Variants in CEP83 observed in about 807,000 individuals in gnomAD.
The protein encoded by CEP83 is centrosomal protein 83.
CEP83 carries 70 observed loss-of-function variants against 101.9 expected under a neutral mutation model. That is an observed-to-expected ratio of 0.69 (90% CI 0.57 to 0.84). The LOEUF (loss-of-function observed/expected upper bound fraction) is 0.84, where lower values mean the gene tolerates loss of function less well. Among genes scored for constraint, CEP83 ranks in the 40% least tolerant of loss-of-function variants. The pLI is 0.00. For missense variants in CEP83, 715 were observed against 787.2 expected (o/e 0.91, Z 1.10); for synonymous variants, 264 against 267.9 (o/e 0.99, Z 0.14).
chr12:94,290,354 G>A, the CEP83 span, among the ~76,000 whole-genome samples: 1 of 152,206 alleles, frequency 6.6e-6, no homozygotes, highest in Non-Finnish European at 1.5e-5. Flanking sequence ...AAATATGGAG[G>A]AGAATTGAAA....
chr12:94,385,201 C>T (rs948054153), intron 6 of CEP83, among the ~76,000 whole-genome samples: 1 of 152,110 alleles, frequency 6.6e-6, no homozygotes, highest in African/African-American at 2.4e-5. Flanking sequence ...CCCATTAGGC[C>T]TCAACTGACA....
At chr12:94,397,390 C>T (rs550966781) in intron 6 of CEP83, among the ~76,000 whole-genome samples, 58 of 152,162 alleles carry the variant, frequency 3.8e-4, no homozygotes, top group South Asian at 3.7e-3. Flanking sequence ...CCCAGCTACT[C>T]GGGAAACTGA....
intron 1 of CEP83, among the ~76,000 whole-genome samples, chr12:94,455,965 G>A (rs141479156): frequency 9.2e-5 from 14 of 151,622 alleles, no homozygotes; most frequent in Admixed American, 2.6e-4. Flanking sequence ...GGAGAATCAC[G>A]TGAACCCACG....
At chr12:94,406,577 A>T (rs2063547993) in intron 4 of CEP83, among the ~76,000 whole-genome samples, 1 of 152,158 alleles carries the variant, frequency 6.6e-6, no homozygotes, top group Admixed American at 6.5e-5. Context: ...TTGTAACTGA[A>T]TTCCATATGT....
chr12:94,369,995 G>A lies in CEP83; in HGVS notation c.975C>T (p.Asp325=), dbSNP rs1453582563. The part of the protein sequence containing the change: ...LKHSNKLEIT[D]IKLETARAKS... The stretch of plus-strand genomic sequence containing the variant: ...TAGCTCTTGCTGTCTCCAGTTTGAT[G>A]TCTGTTATTTCCAGTTTGTTTGAAT... Residue 325 remains aspartate, a synonymous_variant, in exon 9 of 17, where the codon GAC becomes GAT. Coordinates refer to ENST00000397809, the MANE Select transcript of CEP83 (RefSeq NM_016122.3). The A allele has an allele frequency of 6.2e-7, 1 of 1,610,076 alleles. No individual in the cohort carries two copies. Among genetic ancestry groups the A allele is most frequent in the Non-Finnish European group, 8.5e-7 (1 of 1,176,900 alleles).
chr12:94,312,971 A>G lies in CEP83; in HGVS notation c.1754T>C (p.Val585Ala). Residue 585 changes from valine (V) to alanine (A), a missense_variant, in exon 15 of 17, where the codon GTA (valine) becomes GCA (alanine). Val to Ala is a moderately conservative substitution (Grantham distance 64). Transcript: ENST00000397809. ...TTCTTTCTTTGCCTCCAAGACTTCTACTTTCTCTTGTAGTCTTTTCAATTT... is the reference window on the plus strand; with the variant it reads ...TTCTTTCTTTGCCTCCAAGACTTCTGCTTTCTCTTGTAGTCTTTTCAATTT... ...ENKLKRLQEK[V>A]EVLEAKKEEL... 3 of 1,591,910 alleles carry G rather than the reference A, an allele frequency of 1.9e-6. No homozygotes were observed. The highest frequency in any genetic ancestry group is 2.2e-5 in the East Asian group (1 of 44,450).
At chr12:94,391,591 G>A (rs531464498) in intron 6 of CEP83, among the ~76,000 whole-genome samples, 17 of 152,116 alleles carry the variant, frequency 1.1e-4, no homozygotes, top group South Asian at 2.1e-4. Context: ...AATAACCAGC[G>A]AACATCGTAA....
At chr12:94,412,213 T>C (rs2063929046) in intron 3 of CEP83, 105 bp downstream of exon 3, 4 of 937,834 alleles carry the variant, frequency 4.3e-6, no homozygotes, top group Non-Finnish European at 6.2e-6. Flanking sequence ...AATGTATACA[T>C]TGCAAAATAA....
chr12:94,302,477 C>T (rs1968562365), downstream of CEP83, among the ~76,000 whole-genome samples: 1 of 152,188 alleles, frequency 6.6e-6, no homozygotes, highest in Non-Finnish European at 1.5e-5. Context: ...CAATATATTT[C>T]CTACAGCACT....
At chr12:94,429,902 C>A (rs2138161603) in intron 2 of CEP83, among the ~76,000 whole-genome samples, 1 of 152,296 alleles carries the variant, frequency 6.6e-6, no homozygotes, top group Middle Eastern at 3.4e-3. Flanking sequence ...TAATACTTGC[C>A]TGCATATAGC....
At chr12:94,355,290 G>A (rs1593363352) in intron 11 of CEP83, among the ~76,000 whole-genome samples, 2 of 152,034 alleles carry the variant, frequency 1.3e-5, no homozygotes, top group Admixed American at 1.3e-4. Context: ...TCAGGAGATC[G>A]AGACTATCCT....
At chr12:94,332,722 T>G (rs1344554873) in intron 13 of CEP83, among the ~76,000 whole-genome samples, 1 of 152,142 alleles carries the variant, frequency 6.6e-6, no homozygotes, top group Admixed American at 6.5e-5. Context: ...GCTTACTTCC[T>G]TTTCTTGAAA....
At chr12:94,342,171 C>T (rs2059714058) in intron 11 of CEP83, among the ~76,000 whole-genome samples, 1 of 152,172 alleles carries the variant, frequency 6.6e-6, no homozygotes, top group Non-Finnish European at 1.5e-5. Flanking sequence ...AAGTATACCT[C>T]TGCCTGAAGT....
chr12:94,343,237 T>C (rs1416854576), intron 11 of CEP83, among the ~76,000 whole-genome samples: 1 of 151,986 alleles, frequency 6.6e-6, no homozygotes, highest in Non-Finnish European at 1.5e-5. Flanking sequence ...TCGCTGGGCA[T>C]GTGACATGTC....
chr12:94,267,409 G>A, the CEP83 span, among the ~76,000 whole-genome samples: 6,491 of 152,140 alleles, frequency 0.043, 216 homozygotes, highest in African/African-American at 0.089. Context: ...GTTAACACTC[G>A]ACTCATCATC....
chr12:94,409,542 G>A (rs1283412221), intron 4 of CEP83, among the ~76,000 whole-genome samples: 2 of 152,170 alleles, frequency 1.3e-5, no homozygotes, highest in African/African-American at 4.8e-5. Context: ...AAGCACTGAA[G>A]CAGAAAATGA....
At chr12:94,282,260 T>C in the CEP83 span, 1 of 1,427,948 alleles carries the variant, frequency 7.0e-7, no homozygotes, top group Middle Eastern at 1.8e-4. Flanking sequence ...GGTGGCATTT[T>C]AAAACTCTCT....
At chr12:94,399,085 T>C (rs977178064) in intron 6 of CEP83, among the ~76,000 whole-genome samples, 6 of 152,192 alleles carry the variant, frequency 3.9e-5, no homozygotes, top group Admixed American at 1.3e-4. Flanking sequence ...CTTGTGATCT[T>C]TGTTTCTGCC....
chr12:94,337,874 T>C (rs1355103409), intron 11 of CEP83, among the ~76,000 whole-genome samples: 2 of 151,964 alleles, frequency 1.3e-5, no homozygotes, highest in African/African-American at 2.4e-5. Context: ...GAGGAGAGAA[T>C]GGATGAAGGT....
Sources: gnomAD v4.1 joint callset for allele counts (sites outside exome capture counted in the v4.1 genomes callset) on GRCh38, gnomAD v4.1.1 for gene constraint, MANE v1.5 for transcripts, NCBI Gene and HGNC (gene_info 2026-07-23, HGNC 2026-07-21) for gene names.